The following MACROD2 variants were observed in gnomAD, a reference collection of about 807,000 sequenced individuals.
The protein encoded by MACROD2 is ADP-ribose glycohydrolase MACROD2.
Under a neutral mutation model 70.4 loss-of-function variants are expected in MACROD2, and 36 were observed. That is an observed-to-expected ratio of 0.51 (90% CI 0.39 to 0.68). The LOEUF (loss-of-function observed/expected upper bound fraction) is 0.68, where lower values mean the gene tolerates loss of function less well. Ranked by LOEUF, MACROD2 falls within the 30% of genes least tolerant of loss-of-function variation. The pLI, the probability that MACROD2 is intolerant of heterozygous loss-of-function variation, is 0.00. For missense variants in MACROD2, 496 were observed against 538.4 expected, an observed-to-expected ratio of 0.92 and a Z score of 0.78; for synonymous variants, 172 against 178.8, an observed-to-expected ratio of 0.96 and a Z score of 0.30.
chr20:14,394,640 C>T (rs1167293468), intron 3 of MACROD2, among the ~76,000 whole-genome samples: 2 of 152,098 alleles, frequency 1.3e-5, no homozygotes, highest in African/African-American at 4.8e-5. Flanking sequence ...TGAATAGCAG[C>T]GGTGTGAGGA....
intron 8 of MACROD2, among the ~76,000 whole-genome samples, chr20:15,771,813 G>T (rs988449455): frequency 6.6e-6 from 1 of 151,638 alleles, no homozygotes; most frequent in African/African-American, 2.4e-5. Flanking sequence ...GGCCAGGCAC[G>T]GTGGCTCATG....
At chr20:14,691,070 A>G (rs1224998234) in intron 5 of MACROD2, among the ~76,000 whole-genome samples, 2 of 152,190 alleles carry the variant, frequency 1.3e-5, no homozygotes, top group African/African-American at 4.8e-5. Context: ...GGCATGCGCC[A>G]CAACACCCAG....
chr20:14,594,577 T>A (rs899138903), intron 4 of MACROD2, among the ~76,000 whole-genome samples: 9 of 152,312 alleles, frequency 5.9e-5, no homozygotes, highest in African/African-American at 2.2e-4. Flanking sequence ...ATGCAATATA[T>A]TATTTGTTGT....
chr20:14,008,496 G>A (rs959281095), intron 2 of MACROD2, among the ~76,000 whole-genome samples: 7 of 152,020 alleles, frequency 4.6e-5, no homozygotes, highest in Admixed American at 3.3e-4. Flanking sequence ...GAAACGTTCC[G>A]TGCTCATAGA....
intron 3 of MACROD2, among the ~76,000 whole-genome samples, chr20:14,152,215 T>G (rs1320401996): frequency 6.6e-6 from 1 of 152,222 alleles, no homozygotes; most frequent in African/African-American, 2.4e-5. Context: ...ATACTTTGGC[T>G]TAATAAAAAA....
chr20:14,119,737 A>G (rs932370956), intron 3 of MACROD2, among the ~76,000 whole-genome samples: 1 of 152,198 alleles, frequency 6.6e-6, no homozygotes, highest in Non-Finnish European at 1.5e-5. Context: ...AGGAAAGTAA[A>G]TGTACTTATA....
chr20:15,632,136 C>T (rs988921061), intron 8 of MACROD2, among the ~76,000 whole-genome samples: 9 of 150,804 alleles, frequency 6.0e-5, no homozygotes, highest in African/African-American at 2.2e-4. Flanking sequence ...GAAATTTGAG[C>T]TTGAGCGAGT....
intron 10 of MACROD2, among the ~76,000 whole-genome samples, chr20:15,915,473 A>T (rs1248758910): frequency 6.6e-6 from 1 of 152,240 alleles, no homozygotes; most frequent in Non-Finnish European, 1.5e-5. Context: ...ACACTAAAGC[A>T]TAGGAAGTTC....
At chr20:14,417,066 C>CT (rs1555789653) in intron 3 of MACROD2, among the ~76,000 whole-genome samples, 109 of 132,598 alleles carry the variant, frequency 8.2e-4, no homozygotes, top group Middle Eastern at 4.1e-3. Flanking sequence ...ATCTATCTAT[C>CT]ATCTATCTAT....
chr20:15,737,218 A>G (rs1042103613), intron 8 of MACROD2, among the ~76,000 whole-genome samples: 9 of 152,228 alleles, frequency 5.9e-5, no homozygotes, highest in Non-Finnish European at 1.2e-4. Flanking sequence ...GATGTGTTCA[A>G]TTTAAAGTAA....
At chr20:15,592,617 C>T (rs2048694111) in intron 8 of MACROD2, among the ~76,000 whole-genome samples, 1 of 152,194 alleles carries the variant, frequency 6.6e-6, no homozygotes, top group Admixed American at 6.5e-5. Context: ...ATGACTTCTA[C>T]AGGTGGTGTG....
chr20:14,718,976 G>A (rs1036877467), intron 5 of MACROD2, among the ~76,000 whole-genome samples: 1 of 152,114 alleles, frequency 6.6e-6, no homozygotes, highest in Non-Finnish European at 1.5e-5. Context: ...GCTCACGTCT[G>A]TAATCCTAAC....
chr20:15,355,879 C>G (rs999119321), intron 6 of MACROD2, among the ~76,000 whole-genome samples: 2 of 152,074 alleles, frequency 1.3e-5, no homozygotes, highest in Admixed American at 6.5e-5. Context: ...GCATTAGGCC[C>G]CTATAAAATA....
chr20:15,682,242 C>T (rs141825623), intron 8 of MACROD2, among the ~76,000 whole-genome samples: 331 of 152,288 alleles, frequency 2.2e-3, no homozygotes, highest in African/African-American at 7.6e-3. Context: ...TAGGAACCCA[C>T]ATTTCAACCA....
At chr20:14,519,526 C>T (rs1428552773) in intron 4 of MACROD2, among the ~76,000 whole-genome samples, 1 of 152,130 alleles carries the variant, frequency 6.6e-6, no homozygotes, top group African/African-American at 2.4e-5. Flanking sequence ...GATACCATCT[C>T]ACAAGTCAGA....
chr20:15,402,567 A>G (rs1018583131), intron 6 of MACROD2, among the ~76,000 whole-genome samples: 9 of 152,204 alleles, frequency 5.9e-5, no homozygotes, highest in Admixed American at 5.2e-4. Flanking sequence ...TGATTATTTC[A>G]AAAGGCTCCA....
intron 9 of MACROD2, among the ~76,000 whole-genome samples, chr20:15,875,414 T>C (rs962504332): frequency 2.0e-5 from 3 of 152,108 alleles, no homozygotes; most frequent in East Asian, 3.9e-4. Flanking sequence ...GGCACATTTA[T>C]GTACTTTTAA....
At chr20:14,901,037 C>G (rs2073889158) in intron 5 of MACROD2, among the ~76,000 whole-genome samples, 1 of 152,002 alleles carries the variant, frequency 6.6e-6, no homozygotes, top group Admixed American at 6.6e-5. Context: ...AAACATTTTA[C>G]TGCATATATG....
intron 5 of MACROD2, among the ~76,000 whole-genome samples, chr20:14,708,722 A>T (rs933443386): frequency 6.6e-6 from 1 of 152,032 alleles, no homozygotes; most frequent in Admixed American, 6.5e-5. Flanking sequence ...CGTTCAAGCG[A>T]TTCTCCTGCC....
Sources: allele counts gnomAD v4.1 joint callset (sites outside exome capture counted in the v4.1 genomes callset), GRCh38; gene constraint gnomAD v4.1.1; transcripts MANE v1.5; gene names NCBI Gene and HGNC (gene_info 2026-07-23, HGNC 2026-07-21).